The following SLC25A42 variants were observed in gnomAD, a reference collection of about 807,000 sequenced individuals.
SLC25A42 encodes mitochondrial coenzyme A transporter SLC25A42.
A neutral mutation model predicts 34.7 loss-of-function variants in SLC25A42; 19 were observed. The ratio of observed to expected loss-of-function variants is 0.55; its 90% CI spans 0.38 to 0.80. SLC25A42 has a LOEUF of 0.80. Among genes scored for constraint, SLC25A42 ranks in the 30% least tolerant of loss-of-function variants. SLC25A42 has a pLI of 0.00. For missense variants in SLC25A42, 364 were observed against 441.3 expected, an observed-to-expected ratio of 0.82 and a Z score of 1.57; for synonymous variants, 205 against 191.2, an observed-to-expected ratio of 1.07 and a Z score of -0.59.
At chr19:19,071,920 C>T (rs145485249) in intron 1 of SLC25A42, among the ~76,000 whole-genome samples, 33 of 152,062 alleles carry the variant, frequency 2.2e-4, no homozygotes, top group Non-Finnish European at 4.4e-4. Context: ...TGATGAGCAG[C>T]GGGACAAATC....
chr19:19,081,813 C>T lies in SLC25A42; in HGVS notation c.-34-14278C>T, dbSNP rs1263044635. ...TCACTGTCCTCTTCGCTCCTTTAGC[C>T]GAGTGACCTCTGTCCCTGGAGACCC... is the stretch of plus-strand genomic sequence containing the variant. On this transcript the variant is annotated intron_variant, in intron 1 of 7. Transcript: ENST00000318596. This position sits in a 1 kb window ranked among gnomAD's most constrained non-coding sequence, Gnocchi z 4.5. 2.0e-5 allele frequency among the ~76,000 whole-genome samples: 3 copies of T among 152,226 alleles called. No homozygotes were observed. The highest frequency in any genetic ancestry group is 3.9e-4 in the East Asian group (2 of 5,186).
At chr19:19,073,973 G>A (rs111693214) in intron 1 of SLC25A42, among the ~76,000 whole-genome samples, 2,411 of 152,336 alleles carry the variant, frequency 0.016, 70 homozygotes, top group African/African-American at 0.055. Flanking sequence ...CTCCCAAAGT[G>A]CTGGGATTAC....
At chr19:19,085,911 G>C (rs936564775) in intron 1 of SLC25A42, among the ~76,000 whole-genome samples, 4 of 152,198 alleles carry the variant, frequency 2.6e-5, no homozygotes, top group Admixed American at 6.5e-5. Context: ...TGGGTTCCCT[G>C]AAAACCAGGG....
At chr19:19,089,392 G>A (rs2145910983) in intron 1 of SLC25A42, among the ~76,000 whole-genome samples, 1 of 151,880 alleles carries the variant, frequency 6.6e-6, no homozygotes, top group East Asian at 2.0e-4. Flanking sequence ...GCCAGGCATG[G>A]TGGTGCGTGC....
chr19:19,100,063 C>T (rs116258593), intron 2 of SLC25A42, among the ~76,000 whole-genome samples: 2,444 of 151,398 alleles, frequency 0.016, 61 homozygotes, highest in African/African-American at 0.056. Flanking sequence ...CCATTTCGGC[C>T]GGGCGCGGTG....
intron 1 of SLC25A42, among the ~76,000 whole-genome samples, chr19:19,071,481 G>C (rs2059629842): frequency 6.6e-6 from 1 of 152,164 alleles, no homozygotes; most frequent in Admixed American, 6.6e-5. Flanking sequence ...GCTACGGTCT[G>C]ATCTTCAGGG....
chr19:19,064,146 G>C (rs1435577221), intron 1 of SLC25A42, 31 bp downstream of exon 1: 1 of 152,596 alleles, frequency 6.6e-6, no homozygotes, highest in Non-Finnish European at 1.5e-5. Context: ...TGGATCCCGG[G>C]GCGAGGGGCG....
chr19:19,072,132 C>T (rs936657912), intron 1 of SLC25A42, among the ~76,000 whole-genome samples: 2 of 152,058 alleles, frequency 1.3e-5, no homozygotes, highest in Non-Finnish European at 2.9e-5. Context: ...GAATTACAGG[C>T]GTGAGCCACT....
At chr19:19,104,526 T>C (rs1207705391) in intron 3 of SLC25A42, among the ~76,000 whole-genome samples, 2 of 152,138 alleles carry the variant, frequency 1.3e-5, no homozygotes, top group Non-Finnish European at 2.9e-5. Flanking sequence ...TAGCGGTGCC[T>C]GTGCTGGGAC....
chr19:19,087,422 G>C (rs758979285), intron 1 of SLC25A42, among the ~76,000 whole-genome samples: 1 of 152,078 alleles, frequency 6.6e-6, no homozygotes, highest in African/African-American at 2.4e-5. Context: ...CGAGTAGCTG[G>C]GATTATAGAT....
intron 1 of SLC25A42, among the ~76,000 whole-genome samples, chr19:19,090,557 G>A (rs1008780094): frequency 6.6e-6 from 1 of 152,102 alleles, no homozygotes; most frequent in Non-Finnish European, 1.5e-5. Context: ...GCTGGGCACC[G>A]TGGCACACAC....
chr19:19,087,391 G>A (rs191468034), intron 1 of SLC25A42, among the ~76,000 whole-genome samples: 2 of 152,242 alleles, frequency 1.3e-5, no homozygotes, highest in South Asian at 2.1e-4. Flanking sequence ...AGGTTCAAGC[G>A]ATTCTCCTGC....
chr19:19,101,631 T>G (rs1013636150), intron 2 of SLC25A42, 150 bp from the exon 3 acceptor site: 1 of 611,868 alleles, frequency 1.6e-6, no homozygotes, highest in African/African-American at 1.9e-5. Context: ...CCACCACAGA[T>G]CACCCAGAAC....
At position 19,064,089 on chromosome 19, in the gene SLC25A42, G is replaced by C. The variant is rs920712500; in HGVS notation, c.-61G>C. The C allele has an allele frequency of 6.6e-6, 1 of 152,324 alleles. No individual in the cohort carries two copies. The highest frequency in any genetic ancestry group is 2.0e-4 in the South Asian group (1 of 4,996). The allele number at this position is 152,324 out of a possible 1,614,324, so 9.4% of individuals were successfully genotyped here. ...GCGCCGGGGGGGCCCAAGCGTCAGCGGCCCGCGCCTGTCGGGCTGAACTGA... is the reference window on the plus strand; with the variant it reads ...GCGCCGGGGGGGCCCAAGCGTCAGCCGCCCGCGCCTGTCGGGCTGAACTGA... On this transcript the variant is annotated 5_prime_UTR_variant, in exon 1 of 8. Transcript: ENST00000318596.
chr19:19,089,051 GC>G (rs1180236402), intron 1 of SLC25A42, among the ~76,000 whole-genome samples: 2 of 146,682 alleles, frequency 1.4e-5, no homozygotes, highest in African/African-American at 2.5e-5. Context: ...CAAGCGATCT[GC>G]CCTCCTTGGC....
chr19:19,085,569 T>C (rs1335385224), intron 1 of SLC25A42, among the ~76,000 whole-genome samples: 2 of 152,130 alleles, frequency 1.3e-5, no homozygotes, highest in African/African-American at 4.8e-5. Context: ...TTAGTAGAAA[T>C]GGGCTTTCGC....
intron 7 of SLC25A42, among the ~76,000 whole-genome samples, chr19:19,108,677 G>A (rs560031842): frequency 2.0e-5 from 3 of 152,322 alleles, no homozygotes; most frequent in Admixed American, 6.5e-5. Flanking sequence ...ACTCTTGCTT[G>A]TTTTGGTAGT....
intron 2 of SLC25A42, among the ~76,000 whole-genome samples, chr19:19,100,744 G>T (rs906755546): frequency 6.6e-6 from 1 of 152,168 alleles, no homozygotes; most frequent in Admixed American, 6.5e-5. Context: ...GTGGCACCAC[G>T]GGGACAGGAA....
Position 19,105,964 on chromosome 19 carries a change from G to A in SLC25A42, c.380+237G>A, listed in dbSNP as rs1408848173. 5.4e-6 allele frequency: 3 copies of A among 559,370 alleles called. No homozygotes were observed. In the Admixed American group the frequency reaches 9.9e-5, roughly 18 times the overall value. 34.7% of individuals were successfully genotyped at this position (559,370 alleles called of 1,614,324 possible). On this transcript the variant is annotated intron_variant, in intron 5 of 7. Transcript: ENST00000318596. The stretch of plus-strand genomic sequence containing the variant: ...CTCCTTTGCCCGTTTGTCTCCAGAC[G>A]TTTCTCCACCCCCACGCATAAATCC...
Sources: allele counts gnomAD v4.1 joint callset (sites outside exome capture counted in the v4.1 genomes callset), GRCh38; gene constraint gnomAD v4.1.1; non-coding constraint Gnocchi (gnomAD v3.1); transcripts MANE v1.5; gene names NCBI Gene and HGNC (gene_info 2026-07-23, HGNC 2026-07-21).